The following PLXDC2 variants were observed in gnomAD, a reference collection of about 807,000 sequenced individuals.
PLXDC2 encodes plexin domain containing 2.
PLXDC2 carries 40 observed loss-of-function variants against 68.9 expected under a neutral mutation model. The ratio of observed to expected loss-of-function variants is 0.58; its 90% CI spans 0.45 to 0.76. The LOEUF is 0.76. Ranked by LOEUF, PLXDC2 falls within the 30% of genes least tolerant of loss-of-function variation. The pLI is 0.00. For missense variants in PLXDC2, 644 were observed against 661.9 expected, an observed-to-expected ratio of 0.97 and a Z score of 0.30; for synonymous variants, 243 against 234.2, an observed-to-expected ratio of 1.04 and a Z score of -0.34.
chr10:19,868,886 A>G (rs973384423), intron 1 of PLXDC2, among the ~76,000 whole-genome samples: 3 of 152,136 alleles, frequency 2.0e-5, no homozygotes, highest in Admixed American at 1.3e-4. Flanking sequence ...GAAACTGCAA[A>G]CCTTAAGTTA....
chr10:19,968,534 A>G (rs1441913278), intron 1 of PLXDC2, among the ~76,000 whole-genome samples: 2 of 152,068 alleles, frequency 1.3e-5, no homozygotes, highest in Non-Finnish European at 2.9e-5. Context: ...GCTGGTCTCG[A>G]ACTCCTGGAC....
chr10:19,924,255 A>AC (rs1283738859), intron 1 of PLXDC2, among the ~76,000 whole-genome samples: 11 of 151,926 alleles, frequency 7.2e-5, no homozygotes, highest in Non-Finnish European at 1.0e-4. Context: ...CTCTTCCTTT[A>AC]CGTTTTCCTA....
chr10:19,882,103 A>G (rs1298987807), intron 1 of PLXDC2, among the ~76,000 whole-genome samples: 1 of 152,234 alleles, frequency 6.6e-6, no homozygotes, highest in African/African-American at 2.4e-5. Context: ...AGTGACTAGT[A>G]GATGTTTCTC....
chr10:19,961,136 T>G (rs2131602650), intron 1 of PLXDC2, among the ~76,000 whole-genome samples: 1 of 152,338 alleles, frequency 6.6e-6, no homozygotes, highest in Non-Finnish European at 1.5e-5. Flanking sequence ...CTGTGATTTC[T>G]TACTGGTAAA....
At chr10:20,201,870 T>G (rs1206072278) in intron 9 of PLXDC2, among the ~76,000 whole-genome samples, 1 of 152,132 alleles carries the variant, frequency 6.6e-6, no homozygotes, top group East Asian at 1.9e-4. Flanking sequence ...ATTGAGTAAT[T>G]CATTGGTACA....
At chr10:20,245,655 G>A (rs974040799) in intron 13 of PLXDC2, 150 bp downstream of exon 13, 1 of 856,974 alleles carries the variant, frequency 1.2e-6, no homozygotes, top group East Asian at 2.6e-5. Context: ...TGTCCCCCAT[G>A]CACTCACGTA....
chr10:20,251,942 G>C (rs966301423), intron 13 of PLXDC2, among the ~76,000 whole-genome samples: 1 of 140,258 alleles, frequency 7.1e-6, no homozygotes, highest in African/African-American at 2.7e-5. Flanking sequence ...AATATTGGAG[G>C]GTTAAAAAAA....
At chr10:19,905,134 G>A (rs2131370204) in intron 1 of PLXDC2, among the ~76,000 whole-genome samples, 1 of 152,344 alleles carries the variant, frequency 6.6e-6, no homozygotes, top group South Asian at 2.1e-4. Context: ...AACCTCGTGT[G>A]CTCTGATTGG....
At chr10:19,930,238 TGAG>T (rs1833603853) in intron 1 of PLXDC2, among the ~76,000 whole-genome samples, 1 of 152,166 alleles carries the variant, frequency 6.6e-6, no homozygotes, top group African/African-American at 2.4e-5. Flanking sequence ...AATTTAAAAA[TGAG>T]GATGATATGT....
intron 12 of PLXDC2, among the ~76,000 whole-genome samples, chr10:20,230,703 A>AAAAAAAAAAAAAAAAAAAAAAAAAG (rs1564361122): frequency 6.7e-6 from 1 of 149,436 alleles, no homozygotes; most frequent in Non-Finnish European, 1.5e-5. Context: ...CAAAAAAAAA[A>AAAAAAAAAAAAAAAAAAAAAAAAAG]AAAAAAAAAA....
At chr10:20,269,560 A>G (rs1326345880) in intron 13 of PLXDC2, among the ~76,000 whole-genome samples, 4 of 152,214 alleles carry the variant, frequency 2.6e-5, no homozygotes, top group Admixed American at 6.5e-5. Flanking sequence ...AAACATATCA[A>G]GAAAGGTCAA....
At chr10:20,091,493 G>C (rs1038449599) in intron 4 of PLXDC2, among the ~76,000 whole-genome samples, 2 of 151,956 alleles carry the variant, frequency 1.3e-5, no homozygotes, top group Non-Finnish European at 2.9e-5. Context: ...TCCTAATCTT[G>C]CCTTTCCAAA....
chr10:20,235,720 G>A (rs11011897), intron 12 of PLXDC2, among the ~76,000 whole-genome samples: 9 of 152,066 alleles, frequency 5.9e-5, no homozygotes, highest in African/African-American at 2.2e-4. Context: ...AGAGTGAAGG[G>A]GATTTTTCTT....
intron 1 of PLXDC2, among the ~76,000 whole-genome samples, chr10:19,950,755 A>G (rs1228639571): frequency 6.6e-6 from 1 of 152,210 alleles, no homozygotes; most frequent in Non-Finnish European, 1.5e-5. Context: ...CAAACATAGT[A>G]TACGGCTACA....
intron 1 of PLXDC2, among the ~76,000 whole-genome samples, chr10:19,849,412 G>T (rs1198876977): frequency 6.6e-6 from 1 of 151,992 alleles, no homozygotes; most frequent in Non-Finnish European, 1.5e-5. Flanking sequence ...ATATAGTTTG[G>T]CTGTGGCCCC....
chr10:20,208,735 A>T (rs1835026996), intron 9 of PLXDC2, among the ~76,000 whole-genome samples: 1 of 152,148 alleles, frequency 6.6e-6, no homozygotes, highest in Non-Finnish European at 1.5e-5. Flanking sequence ...TCAGCCAGAT[A>T]TCGGGTGAAA....
chr10:20,126,333 G>T (rs183388214), intron 4 of PLXDC2, among the ~76,000 whole-genome samples: 1 of 138,380 alleles, frequency 7.2e-6, no homozygotes, highest in African/African-American at 2.9e-5. Context: ...ATACATATAC[G>T]TTATATAATA....
chr10:19,922,436 A>T (rs971188191), intron 1 of PLXDC2, among the ~76,000 whole-genome samples: 1 of 152,174 alleles, frequency 6.6e-6, no homozygotes, highest in Non-Finnish European at 1.5e-5. Context: ...TTTAAAGCAC[A>T]GGTTCTGGGA....
At chr10:19,874,814 G>C (rs1212251655) in intron 1 of PLXDC2, among the ~76,000 whole-genome samples, 1 of 152,200 alleles carries the variant, frequency 6.6e-6, no homozygotes. Flanking sequence ...CTGAGTGCTT[G>C]TCTAGGGGAC....
Sources: gnomAD v4.1 joint callset for allele counts (sites outside exome capture counted in the v4.1 genomes callset) on GRCh38, gnomAD v4.1.1 for gene constraint, MANE v1.5 for transcripts, NCBI Gene and HGNC (gene_info 2026-07-23, HGNC 2026-07-21) for gene names.